Variants in RMDN3 observed in about 807,000 individuals in gnomAD.
The protein encoded by RMDN3 is regulator of microtubule dynamics 3.
In RMDN3, 41 loss-of-function variants were observed where a neutral mutation model predicts 61.8. The ratio of observed to expected loss-of-function variants is 0.66; its 90% CI spans 0.52 to 0.86. RMDN3 has a LOEUF of 0.86. Ranked by LOEUF, RMDN3 falls within the 40% of genes least tolerant of loss-of-function variation. RMDN3 has a pLI of 0.00. For missense variants in RMDN3, 557 were observed against 585.3 expected (o/e 0.95, Z 0.50); for synonymous variants, 247 against 232.0 (o/e 1.06, Z -0.59).
At chr15:40,745,412 CT>C (rs376519039) in intron 4 of RMDN3, among the ~76,000 whole-genome samples, 153 bp from the exon 5 acceptor site, 332 of 130,298 alleles carry the variant, frequency 2.5e-3, no homozygotes, top group African/African-American at 5.5e-3. Flanking sequence ...GACTTTTTTT[CT>C]TTTTTTTTTT....
At chr15:40,749,646 G>A (rs1272914761) in intron 4 of RMDN3, among the ~76,000 whole-genome samples, 1 of 152,216 alleles carries the variant, frequency 6.6e-6, no homozygotes, top group African/African-American at 2.4e-5. Context: ...CACCCAAGTG[G>A]CCTGCTTCCT....
intron 5 of RMDN3, 61 bp from the exon 6 acceptor site, chr15:40,744,210 T>C (rs1897402908): frequency 6.7e-7 from 1 of 1,501,310 alleles, no homozygotes; most frequent in Non-Finnish European, 9.2e-7. Context: ...AATGGGGGCC[T>C]TGGCCTTCCC....
rs896022734 is a variant in RMDN3, at chr15:40,754,609, G to A, written c.175C>T (p.Pro59Ser). ...GACGGGCTCCTACCGTGGCGTCCGG[G>A]ATCTGAAGTCTGCGTATAGTCCAGG... ...NSLDYTQTSD[P>S]GRHVMLLRAV... is the part of the protein sequence containing the mutation. Residue 59 changes from proline (P) to serine (S), a missense_variant, in exon 2 of 13, where the codon CCC becomes TCC. Physicochemically the swap from Pro to Ser is moderately conservative, Grantham distance 74. Coordinates refer to ENST00000338376, the MANE Select transcript of RMDN3 (RefSeq NM_018145.3). 14 of 1,612,680 alleles carry A rather than the reference G, an allele frequency of 8.7e-6. No individual in the cohort carries two copies. Among genetic ancestry groups the A allele is most frequent in the Non-Finnish European group, 1.0e-5 (12 of 1,179,192 alleles).
intron 9 of RMDN3, 76 bp from the exon 10 acceptor site, chr15:40,737,802 A>AAAAT: frequency 6.6e-7 from 1 of 1,523,248 alleles, no homozygotes; most frequent in Non-Finnish European, 9.1e-7. Context: ...GGATATATTG[A>AAAAT]AAATAGGGTC....
intron 6 of RMDN3, among the ~76,000 whole-genome samples, chr15:40,741,646 T>TTTTTTTTTTTTTA (rs1897287865): frequency 1.4e-5 from 2 of 138,114 alleles, no homozygotes; most frequent in Non-Finnish European, 1.5e-5. Context: ...TTTTTTTTTT[T>TTTTTTTTTTTTTA]GAGACAAGAG....
At chr15:40,738,471 C>T in intron 8 of RMDN3, 30 bp downstream of exon 8, 2 of 1,611,038 alleles carry the variant, frequency 1.2e-6, no homozygotes, top group Non-Finnish European at 8.5e-7. Context: ...GATAGGCCAG[C>T]ACAAGGAAGG....
At chr15:40,746,016 A>G (rs7167854) in intron 4 of RMDN3, among the ~76,000 whole-genome samples, 82,921 of 152,022 alleles carry the variant, frequency 0.55, 23,015 homozygotes, top group East Asian at 0.77. Flanking sequence ...AGGGGAAGAC[A>G]ATGCAAACTA....
chr15:40,738,602 G>C (rs185527413), intron 7 of RMDN3, 26 bp from the exon 8 acceptor site: 4 of 1,612,438 alleles, frequency 2.5e-6, no homozygotes, highest in Non-Finnish European at 2.5e-6. Context: ...CAAGCTCAGG[G>C]ACAAGGGCTG....
intron 4 of RMDN3, among the ~76,000 whole-genome samples, chr15:40,747,996 G>A (rs748707068): frequency 6.6e-6 from 1 of 152,138 alleles, no homozygotes; most frequent in Admixed American, 6.6e-5. Context: ...GCCTGGGAAG[G>A]CTTGCTGGAG....
intron 7 of RMDN3, chr15:40,739,514 A>C (rs1223852452): frequency 6.5e-6 from 1 of 152,792 alleles, no homozygotes; most frequent in Non-Finnish European, 1.5e-5. Context: ...GAGGGTGGAG[A>C]CATGGAAAGC....
intron 12 of RMDN3, 122 bp from the exon 13 acceptor site, chr15:40,736,716 C>A (rs544027971): frequency 1.3e-4 from 105 of 819,928 alleles, no homozygotes; most frequent in Middle Eastern, 9.2e-4. Flanking sequence ...CTTTTTCCTA[C>A]TTCCCCAGGA....
Position 40,751,510 on chromosome 15 carries a change from TC to T in RMDN3, c.439del (p.Glu147ArgfsTer54), listed in dbSNP as rs1226520038. 1.9e-6 allele frequency: 3 copies of T among 1,614,100 alleles called. No homozygotes were observed. On this transcript the variant is annotated frameshift_variant, in exon 4 of 13. Coordinates refer to ENST00000338376, the MANE Select transcript of RMDN3 (RefSeq NM_018145.3). LOFTEE classifies it high-confidence loss of function. ...GCTGGAGCCAGTGGAGTCACTCCTCTCCCGGACAAACGGAAACCTTCGCCGC... is the reference window on the plus strand; with the variant it reads ...GCTGGAGCCAGTGGAGTCACTCCTCTCCGGACAAACGGAAACCTTCGCCGC... ...ARRRRFPFVR[E>X]RSDSTGSSSV...
intron 4 of RMDN3, 41 bp downstream of exon 4, chr15:40,751,385 C>T: frequency 6.2e-7 from 1 of 1,601,142 alleles, no homozygotes; most frequent in South Asian, 1.1e-5. Flanking sequence ...CAAAACACAA[C>T]CTGGCTGTAG....
At chr15:40,737,085 C>G (rs1897082415) in intron 12 of RMDN3, 39 bp downstream of exon 12, 2 of 1,539,078 alleles carry the variant, frequency 1.3e-6, no homozygotes, top group Non-Finnish European at 1.8e-6. Context: ...CTCCCGACTT[C>G]AGGTGATCTG....
intron 6 of RMDN3, among the ~76,000 whole-genome samples, chr15:40,743,278 G>A (rs956272378): frequency 3.3e-5 from 5 of 152,068 alleles, no homozygotes; most frequent in Non-Finnish European, 7.4e-5. Context: ...AGACTTAGTC[G>A]GGTATGATGG....
chr15:40,742,230 A>C (rs766342557), intron 6 of RMDN3, among the ~76,000 whole-genome samples: 1 of 146,412 alleles, frequency 6.8e-6, no homozygotes, highest in Non-Finnish European at 1.5e-5. Context: ...CTAGTCTCTA[A>C]CTCCTGGGCT....
At chr15:40,746,671 G>A (rs147515204) in intron 4 of RMDN3, among the ~76,000 whole-genome samples, 16 of 152,286 alleles carry the variant, frequency 1.1e-4, no homozygotes, top group African/African-American at 3.6e-4. Context: ...ACCACAAGGT[G>A]GCAGGCTCTG....
At chr15:40,741,510 A>C (rs1460814981) in intron 6 of RMDN3, among the ~76,000 whole-genome samples, 1 of 152,094 alleles carries the variant, frequency 6.6e-6, no homozygotes, top group African/African-American at 2.4e-5. Flanking sequence ...GAAAGCCCAT[A>C]AACATGAAAG....
chr15:40,741,619 G>GTTTTTTTTTTTTT (rs1333820266), intron 6 of RMDN3, among the ~76,000 whole-genome samples: 6 of 61,002 alleles, frequency 9.8e-5, no homozygotes, highest in South Asian at 7.8e-4. Flanking sequence ...TGCAACATAG[G>GTTTTTTTTTTTTT]ATTTTTTTTT....
Sources: gnomAD v4.1 joint callset for allele counts (sites outside exome capture counted in the v4.1 genomes callset) on GRCh38, gnomAD v4.1.1 for gene constraint, MANE v1.5 for transcripts, NCBI Gene and HGNC (gene_info 2026-07-23, HGNC 2026-07-21) for gene names.